The following CHIC1 variants were observed in gnomAD, a reference collection of about 807,000 sequenced individuals.
CHIC1 encodes cysteine-rich hydrophobic domain-containing protein 1.
A neutral mutation model predicts 18.5 loss-of-function variants in CHIC1; 7 were observed. The observed-to-expected ratio is 0.38, with a 90% CI of 0.22 to 0.71. The LOEUF (loss-of-function observed/expected upper bound fraction) is 0.71, where lower values mean the gene tolerates loss of function less well. Ranked by LOEUF, CHIC1 falls within the 30% of genes least tolerant of loss-of-function variation. The pLI, the probability that CHIC1 is intolerant of heterozygous loss-of-function variation, is 0.49. For synonymous variants in CHIC1, 77 were observed against 73.5 expected, an observed-to-expected ratio of 1.05 and a Z score of -0.25; for missense variants, 159 against 176.9, an observed-to-expected ratio of 0.90 and a Z score of 0.57.
At chrX:73,670,471 G>C (rs915828666) in intron 3 of CHIC1, among the ~76,000 whole-genome samples, 2 of 108,548 alleles carry the variant, frequency 1.8e-5, no homozygotes, top group African/African-American at 6.7e-5. Flanking sequence ...ATATTTTTTA[G>C]TCTCTATTTT....
intron 2 of CHIC1, 68 bp from the exon 3 acceptor site, chrX:73,584,349 T>C: frequency 1.1e-6 from 1 of 910,053 alleles, no homozygotes; most frequent in Non-Finnish European, 1.5e-6. Context: ...AATAAATGTT[T>C]TTCTTAGATT....
chrX:73,646,690 T>G (rs760345505), intron 3 of CHIC1, among the ~76,000 whole-genome samples: 1 of 112,409 alleles, frequency 8.9e-6, no homozygotes, highest in East Asian at 2.8e-4. Flanking sequence ...GTAAATTTAC[T>G]GAATTTGTTT....
At chrX:73,653,168 A>G (rs2057925830) in intron 3 of CHIC1, among the ~76,000 whole-genome samples, 1 of 110,578 alleles carries the variant, frequency 9.0e-6, no homozygotes, top group African/African-American at 3.3e-5. Context: ...GTGGGAGTTG[A>G]ACAATAAGAA....
chrX:73,653,556 C>T (rs1389325447), intron 3 of CHIC1, among the ~76,000 whole-genome samples: 2 of 111,484 alleles, frequency 1.8e-5, no homozygotes, highest in African/African-American at 6.5e-5. Context: ...TTGTGTATTT[C>T]CATTCACATT....
Position 73,600,650 on chromosome X carries a change from A to G in CHIC1, c.507+16078A>G, listed in dbSNP as rs771714917. ...CTGGATTACATTTATTGATTTGCGTATATTGAACCAGCCTTGCATCCCAGG... is the reference window on the plus strand; with the variant it reads ...CTGGATTACATTTATTGATTTGCGTGTATTGAACCAGCCTTGCATCCCAGG... On this transcript the variant is annotated intron_variant, in intron 3 of 5. Coordinates refer to ENST00000373502, the MANE Select transcript of CHIC1 (RefSeq NM_001039840.4). 9.4e-3 allele frequency among the ~76,000 whole-genome samples: 1,010 copies of G among 107,627 alleles called. 90 individuals carry two copies. Among genetic ancestry groups the G allele is most frequent in the African/African-American group, 0.036 (983 of 27,581 alleles). The allele number at this position is 107,627 out of a possible 115,157, so 93.5% of individuals were successfully genotyped here. A position where few individuals can be genotyped will look rare whatever the true frequency, so the allele number is the denominator to read the frequency against.
chrX:73,662,174 T>C (rs1366132817), intron 3 of CHIC1, among the ~76,000 whole-genome samples: 1 of 110,839 alleles, frequency 9.0e-6, no homozygotes, highest in Non-Finnish European at 1.9e-5. Context: ...AAGTGCTATT[T>C]GCAGGTCTGA....
intron 3 of CHIC1, among the ~76,000 whole-genome samples, chrX:73,666,316 AG>A (rs1214098035): frequency 1.8e-5 from 2 of 111,583 alleles, no homozygotes; most frequent in Admixed American, 9.5e-5. Flanking sequence ...CACAATCACA[AG>A]GTCCCACAAT....
intron 3 of CHIC1, among the ~76,000 whole-genome samples, chrX:73,592,836 T>C: frequency 9.0e-6 from 1 of 110,658 alleles, no homozygotes; most frequent in Non-Finnish European, 1.9e-5. Context: ...TGGTTTAGGG[T>C]TTTTCTTCAT....
At chrX:73,610,480 G>C (rs185821866) in intron 3 of CHIC1, among the ~76,000 whole-genome samples, 1 of 107,110 alleles carries the variant, frequency 9.3e-6, no homozygotes, top group African/African-American at 3.7e-5. Context: ...TGTTGGTCTC[G>C]GTGGGAGCTA....
chrX:73,603,309 A>T (rs1447731296), intron 3 of CHIC1, among the ~76,000 whole-genome samples: 1 of 108,023 alleles, frequency 9.3e-6, no homozygotes, highest in Non-Finnish European at 1.9e-5. Context: ...TTTGTCTATT[A>T]TTGGTATATA....
At chrX:73,563,739 G>A (rs1197424288) in intron 1 of CHIC1, among the ~76,000 whole-genome samples, 159 bp downstream of exon 1, 2 of 111,109 alleles carry the variant, frequency 1.8e-5, no homozygotes, top group Non-Finnish European at 3.8e-5. Flanking sequence ...ACCATGGGTG[G>A]ATACGTGTGA....
chrX:73,571,534 C>G (rs1490521698), intron 1 of CHIC1, among the ~76,000 whole-genome samples: 1 of 111,149 alleles, frequency 9.0e-6, no homozygotes, highest in Non-Finnish European at 1.9e-5. Flanking sequence ...ATATCAATTT[C>G]TCAAGAAGCA....
At chrX:73,648,770 G>T (rs747897161) in intron 3 of CHIC1, among the ~76,000 whole-genome samples, 1 of 111,952 alleles carries the variant, frequency 8.9e-6, no homozygotes, top group African/African-American at 3.2e-5. Flanking sequence ...GGGGAGAATG[G>T]AAACAAGCTG....
chrX:73,659,364 CCTTTT>C (rs2057967675), intron 3 of CHIC1, among the ~76,000 whole-genome samples: 1 of 86,420 alleles, frequency 1.2e-5, no homozygotes, highest in African/African-American at 4.7e-5. Flanking sequence ...TACATCTTCC[CCTTTT>C]CTTTTTTTTT....
intron 1 of CHIC1, among the ~76,000 whole-genome samples, chrX:73,566,739 C>T (rs1465796478): frequency 2.7e-5 from 3 of 111,470 alleles, no homozygotes; most frequent in Non-Finnish European, 5.6e-5. Context: ...ATCACTGTGA[C>T]CCTCTTGTTG....
intron 3 of CHIC1, among the ~76,000 whole-genome samples, chrX:73,627,946 G>C (rs775538251): frequency 8.9e-6 from 1 of 111,881 alleles, no homozygotes; most frequent in South Asian, 3.8e-4. Context: ...CAAGGCCCTC[G>C]ATGTTGTACC....
intron 3 of CHIC1, among the ~76,000 whole-genome samples, chrX:73,623,173 G>A (rs2057768309): frequency 9.0e-6 from 1 of 111,231 alleles, no homozygotes; most frequent in Non-Finnish European, 1.9e-5. Context: ...ATTTGGGGTG[G>A]AGAGTTCTTT....
At chrX:73,616,340 G>T (rs1348315347) in intron 3 of CHIC1, among the ~76,000 whole-genome samples, 1 of 111,470 alleles carries the variant, frequency 9.0e-6, no homozygotes, top group African/African-American at 3.3e-5. Flanking sequence ...GGCTTTGCAT[G>T]GTACAGCCTC....
chrX:73,664,742 AGTT>A (rs1178121086), intron 3 of CHIC1, among the ~76,000 whole-genome samples: 9 of 111,371 alleles, frequency 8.1e-5, no homozygotes, highest in East Asian at 5.7e-4. Flanking sequence ...ATCAAAATTT[AGTT>A]GTTGTTGTTC....
Sources: allele counts gnomAD v4.1 joint callset (sites outside exome capture counted in the v4.1 genomes callset), GRCh38; gene constraint gnomAD v4.1.1; transcripts MANE v1.5; gene names NCBI Gene and HGNC (gene_info 2026-07-23, HGNC 2026-07-21).